Variants in LRRTM4 observed in about 807,000 individuals in gnomAD.
LRRTM4 encodes the protein leucine rich repeat transmembrane neuronal 4.
Under a neutral mutation model 47.6 loss-of-function variants are expected in LRRTM4, and 25 were observed. That is an observed-to-expected ratio of 0.53 (90% CI 0.38 to 0.73). The LOEUF (loss-of-function observed/expected upper bound fraction) is 0.73. Ranked by LOEUF, LRRTM4 falls within the 30% of genes least tolerant of loss-of-function variation. LRRTM4 has a pLI of 0.00. For missense variants in LRRTM4, 638 were observed against 713.4 expected, an observed-to-expected ratio of 0.89 and a Z score of 1.20; for synonymous variants, 311 against 269.5, an observed-to-expected ratio of 1.15 and a Z score of -1.51.
At chr2:77,324,893 A>C (rs760209711) in intron 3 of LRRTM4, among the ~76,000 whole-genome samples, 6 of 152,190 alleles carry the variant, frequency 3.9e-5, no homozygotes, top group Non-Finnish European at 8.8e-5. Context: ...AGGTGATTCG[A>C]ACCAAGGTCA....
chr2:77,105,980 T>A (rs915844344), intron 3 of LRRTM4, among the ~76,000 whole-genome samples: 2 of 152,144 alleles, frequency 1.3e-5, no homozygotes, highest in African/African-American at 4.8e-5. Context: ...AAATTCACCA[T>A]CTCCAACTAC....
intron 3 of LRRTM4, among the ~76,000 whole-genome samples, chr2:77,454,447 A>G (rs528884261): frequency 6.6e-6 from 1 of 152,274 alleles, no homozygotes; most frequent in Admixed American, 6.5e-5. Context: ...GTTAGTTTTC[A>G]TAGAATAAGC....
At chr2:77,396,629 G>A (rs748842707) in intron 3 of LRRTM4, among the ~76,000 whole-genome samples, 5 of 151,888 alleles carry the variant, frequency 3.3e-5, no homozygotes, top group Non-Finnish European at 5.9e-5. Flanking sequence ...GTATATTTAT[G>A]AGAATTTAAT....
intron 3 of LRRTM4, among the ~76,000 whole-genome samples, chr2:77,287,523 T>G (rs1676699039): frequency 6.6e-6 from 1 of 152,004 alleles, no homozygotes; most frequent in Non-Finnish European, 1.5e-5. Context: ...TGAACCCCAG[T>G]CTGAAAATAA....
chr2:76,754,416 G>A (rs998431658), intron 3 of LRRTM4, among the ~76,000 whole-genome samples: 2 of 151,902 alleles, frequency 1.3e-5, no homozygotes, highest in African/African-American at 4.8e-5. Context: ...ATACAAGAAA[G>A]GATATAATGG....
chr2:77,256,548 T>C (rs1675772531), intron 3 of LRRTM4, among the ~76,000 whole-genome samples: 1 of 152,024 alleles, frequency 6.6e-6, no homozygotes, highest in Non-Finnish European at 1.5e-5. Context: ...GTGAGTAAGT[T>C]TCATGAGATC....
intron 3 of LRRTM4, among the ~76,000 whole-genome samples, chr2:76,955,418 G>A (rs962894839): frequency 6.6e-6 from 1 of 151,668 alleles, no homozygotes; most frequent in African/African-American, 2.4e-5. Flanking sequence ...CCATGATAAG[G>A]TGTTTTATGT....
chr2:76,754,559 T>G (rs1672961816), intron 3 of LRRTM4, among the ~76,000 whole-genome samples: 1 of 152,154 alleles, frequency 6.6e-6, no homozygotes, highest in Admixed American at 6.5e-5. Flanking sequence ...TATCTTCATA[T>G]CCTGGCTGCC....
At chr2:76,795,982 G>A (rs1487120848) in intron 3 of LRRTM4, among the ~76,000 whole-genome samples, 2 of 146,312 alleles carry the variant, frequency 1.4e-5, no homozygotes, top group Non-Finnish European at 3.0e-5. Context: ...CCGAAGCAGG[G>A]CGAGGCATTG....
chr2:77,413,400 C>T (rs1402473168), intron 3 of LRRTM4, among the ~76,000 whole-genome samples: 2 of 151,086 alleles, frequency 1.3e-5, no homozygotes, highest in African/African-American at 2.5e-5. Flanking sequence ...GCAGTCCCAA[C>T]CTCCTAAACT....
At chr2:77,382,837 T>C (rs1325381685) in intron 3 of LRRTM4, among the ~76,000 whole-genome samples, 2 of 152,166 alleles carry the variant, frequency 1.3e-5, no homozygotes, top group African/African-American at 4.8e-5. Context: ...AAATCTAACC[T>C]GAAAATGGGC....
intron 3 of LRRTM4, among the ~76,000 whole-genome samples, chr2:77,326,756 G>C (rs970582059): frequency 1.1e-4 from 16 of 152,106 alleles, no homozygotes; most frequent in African/African-American, 3.4e-4. Context: ...AAATTGAATA[G>C]GATCTATAGA....
At chr2:77,075,119 T>G (rs780366576) in intron 3 of LRRTM4, among the ~76,000 whole-genome samples, 17 of 152,302 alleles carry the variant, frequency 1.1e-4, no homozygotes, top group Non-Finnish European at 2.1e-4. Flanking sequence ...TCCTACATAG[T>G]AGATAATATG....
chr2:77,191,267 A>G (rs1428412958), intron 3 of LRRTM4, among the ~76,000 whole-genome samples: 2 of 152,116 alleles, frequency 1.3e-5, no homozygotes, highest in Non-Finnish European at 2.9e-5. Flanking sequence ...ACACTCCTAG[A>G]TAACTTCTCA....
chr2:76,936,179 G>A lies in LRRTM4; in HGVS notation c.1552-187263C>T, dbSNP rs555473079. On this transcript the variant is annotated intron_variant, in intron 3 of 3. Transcript: ENST00000409884. ...CACTGTTCACAATAGCAAAGACTTG[G>A]AACCAACCCAAATGCCCATCAATGA... Among the ~76,000 whole-genome samples, 76 of 152,196 alleles carry A rather than the reference G, an allele frequency of 5.0e-4. 1 individual carries two copies. The highest frequency in any genetic ancestry group is 4.8e-3 in the Admixed American group (74 of 15,288).
At chr2:77,508,814 G>A (rs1294529865) in intron 3 of LRRTM4, among the ~76,000 whole-genome samples, 1 of 151,936 alleles carries the variant, frequency 6.6e-6, no homozygotes, top group Non-Finnish European at 1.5e-5. Flanking sequence ...ATATGCAGTA[G>A]AGCAATATCA....
chr2:77,411,459 T>C (rs13391214), intron 3 of LRRTM4, among the ~76,000 whole-genome samples: 3 of 141,672 alleles, frequency 2.1e-5, no homozygotes, highest in East Asian at 4.1e-4. Context: ...TTCTTTTTTT[T>C]TTTTTTTTTT....
intron 3 of LRRTM4, among the ~76,000 whole-genome samples, chr2:76,784,167 C>T (rs1171711852): frequency 6.6e-6 from 1 of 151,858 alleles, no homozygotes; most frequent in Non-Finnish European, 1.5e-5. Flanking sequence ...ATTACACACA[C>T]AAAAAGGAAG....
intron 3 of LRRTM4, among the ~76,000 whole-genome samples, chr2:77,339,068 T>C (rs1671272027): frequency 6.6e-6 from 1 of 151,654 alleles, no homozygotes. Flanking sequence ...AAACATAAAG[T>C]TGGGAACAAT....
Sources: gnomAD v4.1 joint callset for allele counts (sites outside exome capture counted in the v4.1 genomes callset) on GRCh38, gnomAD v4.1.1 for gene constraint, MANE v1.5 for transcripts, NCBI Gene and HGNC (gene_info 2026-07-23, HGNC 2026-07-21) for gene names.